The following ATF7IP2 variants were observed in gnomAD, a reference collection of about 807,000 sequenced individuals.
The protein encoded by ATF7IP2 is activating transcription factor 7-interacting protein 2.
A neutral mutation model predicts 64.2 loss-of-function variants in ATF7IP2; 42 were observed. The ratio of observed to expected loss-of-function variants is 0.65; its 90% CI spans 0.51 to 0.85. ATF7IP2 has a LOEUF of 0.85. Ranked by LOEUF, ATF7IP2 falls within the 40% of genes least tolerant of loss-of-function variation. ATF7IP2 has a pLI of 0.00. For synonymous variants in ATF7IP2, 308 were observed against 272.8 expected, an observed-to-expected ratio of 1.13 and a Z score of -1.27; for missense variants, 933 against 784.2, an observed-to-expected ratio of 1.19 and a Z score of -2.27.
chr16:10,463,989 C>G (rs1316957874), intron 9 of ATF7IP2, among the ~76,000 whole-genome samples: 1 of 152,084 alleles, frequency 6.6e-6, no homozygotes, highest in Non-Finnish European at 1.5e-5. Context: ...TCAGTTTTTG[C>G]TTGCTTTCAT....
At chr16:10,388,760 C>T (rs2047259266) in intron 1 of ATF7IP2, among the ~76,000 whole-genome samples, 1 of 152,122 alleles carries the variant, frequency 6.6e-6, no homozygotes, top group Non-Finnish European at 1.5e-5. Flanking sequence ...CCTGTAATCC[C>T]AGCACTTTGG....
chr16:10,397,049 T>C (rs1383057918), intron 1 of ATF7IP2, among the ~76,000 whole-genome samples: 1 of 152,214 alleles, frequency 6.6e-6, no homozygotes. Flanking sequence ...TGCATGTAGA[T>C]ATTCTGTTTA....
At chr16:10,443,594 G>A (rs1567469965) in intron 8 of ATF7IP2, among the ~76,000 whole-genome samples, 1 of 152,194 alleles carries the variant, frequency 6.6e-6, no homozygotes, top group African/African-American at 2.4e-5. Flanking sequence ...GCTAAAGTCT[G>A]TTTTAAATCT....
At chr16:10,481,039 A>G in intron 13 of ATF7IP2, 75 bp downstream of exon 13, 3 of 1,092,722 alleles carry the variant, frequency 2.7e-6, no homozygotes, top group Non-Finnish European at 2.8e-6. Context: ...CTCTTGAAGA[A>G]ACATTTGGGT....
chr16:10,471,761 A>G (rs949818707), intron 9 of ATF7IP2, among the ~76,000 whole-genome samples: 3 of 152,116 alleles, frequency 2.0e-5, no homozygotes, highest in African/African-American at 7.2e-5. Context: ...CCTTCATTAC[A>G]TGATGTTTCA....
At chr16:10,403,930 T>C (rs1490825414) in intron 1 of ATF7IP2, among the ~76,000 whole-genome samples, 2 of 152,076 alleles carry the variant, frequency 1.3e-5, no homozygotes, top group African/African-American at 4.8e-5. Context: ...CTTTGAAACA[T>C]ACGAGACTAC....
intron 1 of ATF7IP2, among the ~76,000 whole-genome samples, chr16:10,400,793 T>C (rs555427296): frequency 7.9e-5 from 12 of 152,332 alleles, no homozygotes; most frequent in African/African-American, 2.4e-4. Flanking sequence ...GTGATTCTTA[T>C]GCCTCAGCCT....
rs887406687 is a variant in ATF7IP2, at chr16:10,482,497, G to A, written c.*248G>A. On this transcript the variant is annotated 3_prime_UTR_variant, in exon 14 of 14. Coordinates refer to ENST00000562102, the MANE Select transcript of ATF7IP2 (RefSeq NM_001393719.1). ...GGCCCATGTTGCTGAGGTGCATTGT[G>A]AACAATACCTTTAGTGACTGTGGAA... is the stretch of plus-strand genomic sequence containing the variant. The A allele has an allele frequency of 4.4e-5, 14 of 316,334 alleles. No individual in the cohort carries two copies. Among genetic ancestry groups the A allele is most frequent in the Non-Finnish European group, 7.5e-5 (13 of 173,486 alleles). The allele number at this position is 316,334 out of a possible 1,614,324, so 19.6% of individuals were successfully genotyped here.
At chr16:10,408,235 G>A (rs1056600332) in intron 1 of ATF7IP2, among the ~76,000 whole-genome samples, 6 of 152,210 alleles carry the variant, frequency 3.9e-5, no homozygotes, top group African/African-American at 7.2e-5. Flanking sequence ...TTATGCACTC[G>A]TTGATTAATG....
rs1197038386 is a variant in ATF7IP2 at position 10,482,211 on chromosome 16, A to G, written c.2011A>G (p.Ile671Val). The change falls in exon 14 of 14, where the codon ATA (isoleucine) becomes GTA (valine). Residue 671 changes from isoleucine (I) to valine (V), a missense_variant. Coordinates refer to ENST00000562102, the MANE Select transcript of ATF7IP2 (RefSeq NM_001393719.1). ...TGGACGATATGGACCATTCTGTGAT[A>G]TAAAATCTATCCCTGGGTTTTCTGA... ...IFGRYGPFCD[I>V]KSIPGFSENL... 2 of 1,604,568 alleles carry G rather than the reference A, an allele frequency of 1.2e-6. No individual in the cohort carries two copies. Among genetic ancestry groups the G allele is most frequent in the South Asian group, 1.1e-5 (1 of 88,756 alleles).
Position 10,431,233 on chromosome 16 carries a change from T to A in ATF7IP2, c.613T>A (p.Ser205Thr). The part of the protein sequence containing the change: ...DQMVFHLETN[S>T]NSESHDKRQS... ...GATGGTTTTCCATTTAGAAACAAAC[T>A]CCAATTCAGAATCACATGATAAAAG... The change falls in exon 5 of 14, where the codon TCC (serine) becomes ACC (threonine). Residue 205 changes from serine to threonine, a missense_variant. By Grantham distance (58) the Ser-to-Thr change is moderately conservative. Coordinates refer to ENST00000562102, the MANE Select transcript of ATF7IP2 (RefSeq NM_001393719.1). 6.2e-7 allele frequency: 1 copy of A among 1,614,144 alleles called. No individual in the cohort carries two copies.
intron 5 of ATF7IP2, among the ~76,000 whole-genome samples, chr16:10,432,117 G>A (rs960692199): frequency 4.6e-5 from 7 of 151,542 alleles, no homozygotes; most frequent in African/African-American, 1.7e-4. Context: ...GATTACAGGC[G>A]TGAGCCACTG....
intron 8 of ATF7IP2, among the ~76,000 whole-genome samples, chr16:10,453,074 C>G (rs1430126832): frequency 2.6e-5 from 4 of 152,176 alleles, no homozygotes; most frequent in Admixed American, 2.0e-4. Flanking sequence ...GCTTCAGCCC[C>G]CTTTGCAGGA....
rs150734309 is a variant in ATF7IP2 at position 10,406,763 on chromosome 16, C to T, written c.-241-7811C>T. 1.1e-4 allele frequency among the ~76,000 whole-genome samples: 17 copies of T among 152,160 alleles called. No individual in the cohort carries two copies. In the East Asian group the frequency reaches 2.5e-3, roughly 22 times the overall value. ...CAGTAAAAAGTAATGACATAAAAGCCGTAATAAAACATTGCCCAGCAAAGA... is the reference window on the plus strand; with the variant it reads ...CAGTAAAAAGTAATGACATAAAAGCTGTAATAAAACATTGCCCAGCAAAGA... On this transcript the variant is annotated intron_variant, in intron 1 of 13. Transcript: ENST00000562102.
chr16:10,429,766 A>G, intron 4 of ATF7IP2, among the ~76,000 whole-genome samples: 1 of 134,470 alleles, frequency 7.4e-6, no homozygotes, highest in Middle Eastern at 3.8e-3. Context: ...TTATTATTTT[A>G]TTTTATTTTA....
intron 9 of ATF7IP2, among the ~76,000 whole-genome samples, chr16:10,465,732 C>G (rs1012390054): frequency 1.3e-5 from 2 of 149,072 alleles, no homozygotes; most frequent in Non-Finnish European, 3.0e-5. Flanking sequence ...GAACGAGACT[C>G]CGGCCCAAAA....
chr16:10,468,079 C>T (rs2049648008), intron 9 of ATF7IP2, among the ~76,000 whole-genome samples: 1 of 151,490 alleles, frequency 6.6e-6, no homozygotes, highest in Non-Finnish European at 1.5e-5. Context: ...GGGGTTTCTC[C>T]ATGTTGGTCA....
chr16:10,389,212 G>A (rs1330739010), intron 1 of ATF7IP2, among the ~76,000 whole-genome samples: 1 of 152,114 alleles, frequency 6.6e-6, no homozygotes, highest in Non-Finnish European at 1.5e-5. Flanking sequence ...TCCAGGAAAA[G>A]ACAAACTACT....
chr16:10,456,973 A>G (rs2049191530), intron 8 of ATF7IP2, among the ~76,000 whole-genome samples: 1 of 152,196 alleles, frequency 6.6e-6, no homozygotes, highest in African/African-American at 2.4e-5. Flanking sequence ...AGTTTTAAAT[A>G]AACTCAACAA....
Sources: gnomAD v4.1 joint callset for allele counts (sites outside exome capture counted in the v4.1 genomes callset) on GRCh38, gnomAD v4.1.1 for gene constraint, MANE v1.5 for transcripts, NCBI Gene and HGNC (gene_info 2026-07-23, HGNC 2026-07-21) for gene names.